The following ERBB4 variants were observed in gnomAD, a reference collection of about 807,000 sequenced individuals.
The protein encoded by ERBB4 is receptor tyrosine-protein kinase erbB-4.
A neutral mutation model predicts 158.0 loss-of-function variants in ERBB4; 42 were observed. The observed-to-expected ratio is 0.27, with a 90% CI of 0.21 to 0.34. ERBB4 has a LOEUF of 0.34. ERBB4 is among the 10% of genes least tolerant of loss of function. ERBB4 has a pLI of 1.00. For synonymous variants in ERBB4, 583 were observed against 558.7 expected (o/e 1.04, Z -0.61); for missense variants, 1,333 against 1,624.1 (o/e 0.82, Z 3.08).
intron 1 of ERBB4, among the ~76,000 whole-genome samples, chr2:212,289,000 C>T (rs2086107293): frequency 6.6e-6 from 1 of 152,042 alleles, no homozygotes; most frequent in African/African-American, 2.4e-5. Flanking sequence ...ACCAGACTGA[C>T]AGAAAGCCGT....
intron 3 of ERBB4, among the ~76,000 whole-genome samples, chr2:211,868,658 AC>A (rs1264047372): frequency 6.6e-6 from 1 of 152,080 alleles, no homozygotes; most frequent in Non-Finnish European, 1.5e-5. Flanking sequence ...GATCAAAGGA[AC>A]CCTTATTTTA....
chr2:212,216,558 A>C (rs1250819101), intron 1 of ERBB4, among the ~76,000 whole-genome samples: 1 of 151,340 alleles, frequency 6.6e-6, no homozygotes, highest in African/African-American at 2.4e-5. Context: ...TTACAGACTT[A>C]TGAAGGGTCT....
chr2:212,027,988 C>A (rs548255127), intron 2 of ERBB4, among the ~76,000 whole-genome samples: 1 of 152,214 alleles, frequency 6.6e-6, no homozygotes, highest in East Asian at 1.9e-4. Flanking sequence ...TGTAGTTCTT[C>A]AAAATCTGTG....
chr2:211,828,681 A>G (rs2077155842), intron 3 of ERBB4, among the ~76,000 whole-genome samples: 1 of 152,172 alleles, frequency 6.6e-6, no homozygotes, highest in South Asian at 2.1e-4. Context: ...AGTGCCCCAC[A>G]GAAATGTCTG....
At chr2:211,423,690 C>T (rs1180550813) in intron 23 of ERBB4, among the ~76,000 whole-genome samples, 1 of 151,876 alleles carries the variant, frequency 6.6e-6, no homozygotes, top group African/African-American at 2.4e-5. Flanking sequence ...CTAATTTGCT[C>T]CTGACTAAAA....
At chr2:212,305,669 GT>G (rs1319249332) in intron 1 of ERBB4, among the ~76,000 whole-genome samples, 1 of 151,300 alleles carries the variant, frequency 6.6e-6, no homozygotes, top group African/African-American at 2.4e-5. Flanking sequence ...TCATTTGATA[GT>G]TTTTATGGAT....
intron 20 of ERBB4, among the ~76,000 whole-genome samples, chr2:211,483,849 C>G (rs551448702): frequency 6.6e-6 from 1 of 152,034 alleles, no homozygotes; most frequent in South Asian, 2.1e-4. Flanking sequence ...CCGTGCCCGG[C>G]CAAGAATGAC....
intron 3 of ERBB4, among the ~76,000 whole-genome samples, chr2:211,941,511 G>A (rs1417293323): frequency 6.6e-6 from 1 of 152,004 alleles, no homozygotes; most frequent in Non-Finnish European, 1.5e-5. Context: ...AATAAAGGAT[G>A]AAACATGATG....
chr2:211,460,278 T>G (rs1191280254), intron 20 of ERBB4, among the ~76,000 whole-genome samples: 1 of 152,198 alleles, frequency 6.6e-6, no homozygotes, highest in Non-Finnish European at 1.5e-5. Context: ...GATCTTCTAA[T>G]TTCTACTGAA....
chr2:211,921,024 T>A (rs975931246), intron 3 of ERBB4, among the ~76,000 whole-genome samples: 1 of 151,998 alleles, frequency 6.6e-6, no homozygotes, highest in African/African-American at 2.4e-5. Context: ...ATATAAATGT[T>A]TTTAAGATGA....
At chr2:212,526,786 A>C (rs1241241305) in intron 1 of ERBB4, among the ~76,000 whole-genome samples, 3 of 152,132 alleles carry the variant, frequency 2.0e-5, no homozygotes, top group Non-Finnish European at 4.4e-5. Context: ...AGAATACTTT[A>C]GGTAGTAAAA....
intron 2 of ERBB4, among the ~76,000 whole-genome samples, chr2:212,108,902 T>C (rs931136650): frequency 2.0e-5 from 3 of 152,086 alleles, no homozygotes; most frequent in African/African-American, 4.8e-5. Context: ...GCTGAGTATC[T>C]ATGGTGGTAG....
chr2:212,084,613 T>A (rs2078546796), intron 2 of ERBB4, among the ~76,000 whole-genome samples: 2 of 151,934 alleles, frequency 1.3e-5, no homozygotes, highest in South Asian at 4.1e-4. Flanking sequence ...TTAGTGAAAA[T>A]CACAAGGATT....
intron 20 of ERBB4, among the ~76,000 whole-genome samples, chr2:211,538,466 T>A (rs1373321533): frequency 6.6e-6 from 1 of 151,804 alleles, no homozygotes; most frequent in Non-Finnish European, 1.5e-5. Flanking sequence ...TTCAATATTT[T>A]AAAGACAGTT....
At chr2:211,522,972 A>T (rs890891958) in intron 20 of ERBB4, among the ~76,000 whole-genome samples, 16 of 151,474 alleles carry the variant, frequency 1.1e-4, no homozygotes, top group African/African-American at 3.2e-4. Context: ...TATACTTGGT[A>T]ACTTAAGAGT....
rs994455279 is a variant in ERBB4 at position 211,381,879 on chromosome 2, C to T, written c.*1736G>A. 7.4e-5 allele frequency: 17 copies of T among 228,242 alleles called. No individual in the cohort carries two copies. Among genetic ancestry groups the T allele is most frequent in the African/African-American group, 6.7e-5 (3 of 45,044 alleles). The allele number at this position is 228,242 out of a possible 1,614,324, so 14.1% of individuals were successfully genotyped here. Reference sequence around the variant, plus strand: ...TTGGGGTAGAATTTTCAGAAAAGGGCGACTTATATCTAAGTTTCCTAATTA... The same window carrying T: ...TTGGGGTAGAATTTTCAGAAAAGGGTGACTTATATCTAAGTTTCCTAATTA... On this transcript the variant is annotated 3_prime_UTR_variant, in exon 28 of 28. Transcript: ENST00000342788.
chr2:212,034,415 C>CA (rs886211375), intron 2 of ERBB4, among the ~76,000 whole-genome samples: 9 of 151,928 alleles, frequency 5.9e-5, no homozygotes, highest in African/African-American at 1.7e-4. Context: ...TCTTACCTTA[C>CA]AAAGGATTAA....
chr2:211,783,600 G>T (rs2076086583), intron 4 of ERBB4, among the ~76,000 whole-genome samples: 1 of 152,130 alleles, frequency 6.6e-6, no homozygotes, highest in African/African-American at 2.4e-5. Flanking sequence ...TTTGTCAAAG[G>T]CCTTTTCTGA....
At chr2:211,489,617 T>C (rs1029642104) in intron 20 of ERBB4, among the ~76,000 whole-genome samples, 5 of 151,996 alleles carry the variant, frequency 3.3e-5, no homozygotes, top group East Asian at 3.9e-4. Flanking sequence ...ATTATTTAAG[T>C]AAAATTATAC....
Sources: allele counts gnomAD v4.1 joint callset (sites outside exome capture counted in the v4.1 genomes callset), GRCh38; gene constraint gnomAD v4.1.1; transcripts MANE v1.5; gene names NCBI Gene and HGNC (gene_info 2026-07-23, HGNC 2026-07-21).